Variants in OTUD7A observed in about 807,000 individuals in gnomAD.
The protein encoded by OTUD7A is OTU deubiquitinase 7A.
A neutral mutation model predicts 65.7 loss-of-function variants in OTUD7A; 12 were observed. That is an observed-to-expected ratio of 0.18 (90% CI 0.12 to 0.30). The LOEUF (loss-of-function observed/expected upper bound fraction) is 0.30. OTUD7A is among the 10% of genes least tolerant of loss of function. The pLI, the probability that OTUD7A is intolerant of heterozygous loss-of-function variation, is 1.00. For synonymous variants in OTUD7A, 641 were observed against 586.3 expected, an observed-to-expected ratio of 1.09 and a Z score of -1.35; for missense variants, 1,148 against 1,304.8, an observed-to-expected ratio of 0.88 and a Z score of 1.85.
At chr15:31,636,510 AG>A (rs1176263700) in intron 3 of OTUD7A, among the ~76,000 whole-genome samples, 1 of 152,190 alleles carries the variant, frequency 6.6e-6, no homozygotes, top group Non-Finnish European at 1.5e-5. Flanking sequence ...TATTAAAGTT[AG>A]GCTATTAACA....
chr15:31,596,759 T>C (rs1889915800), intron 3 of OTUD7A, among the ~76,000 whole-genome samples: 1 of 152,206 alleles, frequency 6.6e-6, no homozygotes, highest in Non-Finnish European at 1.5e-5. Flanking sequence ...TGCTTACTGG[T>C]AATTCATGTA....
chr15:31,667,149 G>C (rs1205086301), intron 1 of OTUD7A, among the ~76,000 whole-genome samples: 3 of 152,162 alleles, frequency 2.0e-5, no homozygotes, highest in East Asian at 1.9e-4. Flanking sequence ...AAGTCCATTT[G>C]TTCCAAGGTA....
chr15:31,499,061 G>A (rs2041426525), intron 10 of OTUD7A, among the ~76,000 whole-genome samples: 1 of 152,224 alleles, frequency 6.6e-6, no homozygotes. Flanking sequence ...TTTAAAGAAT[G>A]CTTCATGGAT....
At position 31,479,418 on chromosome 15, in the gene OTUD7A, C is replaced by T. The variant is rs1456449198; in HGVS notation, c.*3876G>A. On this transcript the variant is annotated 3_prime_UTR_variant, in exon 13 of 13. Coordinates refer to ENST00000307050, the MANE Select transcript of OTUD7A (RefSeq NM_001382637.1). ...AGATGAGGAGAAAAAAAATCATGGC[C>T]ATAAAGAAAGGAGCCCCAAACATAC... The T allele has an allele frequency of 6.6e-6, 1 of 152,104 alleles. No individual in the cohort carries two copies. The highest frequency in any genetic ancestry group is 1.5e-5 in the Non-Finnish European group (1 of 68,012). The allele number at this position is 152,104 out of a possible 1,614,324, so 9.4% of individuals were successfully genotyped here.
chr15:31,533,965 C>T (rs1289543986), intron 5 of OTUD7A, among the ~76,000 whole-genome samples: 1 of 151,978 alleles, frequency 6.6e-6, no homozygotes, highest in East Asian at 1.9e-4. Context: ...ATGTCAACAC[C>T]AATAGACTTT....
chr15:31,591,076 T>C (rs995296912), intron 3 of OTUD7A, among the ~76,000 whole-genome samples: 6 of 152,060 alleles, frequency 3.9e-5, no homozygotes, highest in Non-Finnish European at 7.4e-5. Context: ...GGCTGACACA[T>C]CCTGCTATTT....
chr15:31,688,685 CAG>C (rs1473003925), intron 1 of OTUD7A, among the ~76,000 whole-genome samples: 1 of 152,120 alleles, frequency 6.6e-6, no homozygotes, highest in African/African-American at 2.4e-5. Flanking sequence ...GAGATGATGC[CAG>C]AGTGTCTCAT....
At chr15:31,528,800 A>G (rs1339029851) in intron 6 of OTUD7A, among the ~76,000 whole-genome samples, 1 of 152,268 alleles carries the variant, frequency 6.6e-6, no homozygotes, top group Non-Finnish European at 1.5e-5. Flanking sequence ...GGGTTCCACA[A>G]GGACTGCTGG....
chr15:31,586,415 C>CA (rs1372483941), intron 3 of OTUD7A, among the ~76,000 whole-genome samples: 1 of 152,182 alleles, frequency 6.6e-6, no homozygotes, highest in Admixed American at 6.5e-5. Flanking sequence ...GTTTTCTGCA[C>CA]AGCAGCCCCC....
chr15:31,760,113 G>C (rs908160714), intron 1 of OTUD7A, among the ~76,000 whole-genome samples: 2 of 151,972 alleles, frequency 1.3e-5, no homozygotes, highest in Admixed American at 6.6e-5. Context: ...TTATAACTTT[G>C]CTACCTACTC....
chr15:31,578,105 A>G (rs1889261892), intron 3 of OTUD7A, among the ~76,000 whole-genome samples: 1 of 152,124 alleles, frequency 6.6e-6, no homozygotes, highest in Non-Finnish European at 1.5e-5. Context: ...TGGCCAGGGT[A>G]CCCTAAAATT....
chr15:31,682,261 A>C (rs1161759201), intron 1 of OTUD7A, among the ~76,000 whole-genome samples: 1 of 152,194 alleles, frequency 6.6e-6, no homozygotes, highest in Non-Finnish European at 1.5e-5. Flanking sequence ...AAATAGAGAG[A>C]TGTATTGTTT....
intron 1 of OTUD7A, among the ~76,000 whole-genome samples, chr15:31,679,644 T>C (rs982803726): frequency 1.5e-4 from 23 of 152,208 alleles, no homozygotes; most frequent in Non-Finnish European, 3.4e-4. Context: ...AAATGTGCCT[T>C]GCTTCCCCTT....
intron 1 of OTUD7A, among the ~76,000 whole-genome samples, chr15:31,755,030 T>C (rs1894770809): frequency 6.6e-6 from 1 of 151,250 alleles, no homozygotes; most frequent in Admixed American, 6.6e-5. Context: ...ATGGTGTGTG[T>C]GTGTGATTAT....
At chr15:31,817,096 G>A (rs1199267213) in intron 1 of OTUD7A, among the ~76,000 whole-genome samples, 3 of 152,092 alleles carry the variant, frequency 2.0e-5, no homozygotes, top group African/African-American at 7.2e-5. Context: ...ATCATGCTGA[G>A]GCTGTGAACT....
At chr15:31,544,663 T>C (rs1888078764) in intron 5 of OTUD7A, among the ~76,000 whole-genome samples, 1 of 151,784 alleles carries the variant, frequency 6.6e-6, no homozygotes, top group Non-Finnish European at 1.5e-5. Flanking sequence ...AAGCAAAAGA[T>C]AACTAAGGAA....
Position 31,482,997 on chromosome 15 carries a change from T to A in OTUD7A, c.*297A>T, listed in dbSNP as rs566219630. 5.6e-5 allele frequency: 9 copies of A among 159,436 alleles called. No homozygotes were observed. Among genetic ancestry groups the A allele is most frequent in the African/African-American group, 1.9e-4 (8 of 41,570 alleles). 9.9% of individuals were successfully genotyped at this position (159,436 alleles called of 1,614,324 possible). The stretch of plus-strand genomic sequence containing the variant: ...AAAGGGCTGCGAATTTCTTTATTTC[T>A]CTTACTGAGGAACAAAAATACTCTT... On this transcript the variant is annotated 3_prime_UTR_variant, in exon 13 of 13. Coordinates refer to ENST00000307050, the MANE Select transcript of OTUD7A (RefSeq NM_001382637.1).
chr15:31,784,294 C>A (rs1895615113), intron 1 of OTUD7A, among the ~76,000 whole-genome samples: 1 of 152,164 alleles, frequency 6.6e-6, no homozygotes, highest in Non-Finnish European at 1.5e-5. Context: ...CTGAAATACT[C>A]CTCCCCTTTC....
chr15:31,644,345 G>A (rs542811253), intron 3 of OTUD7A, among the ~76,000 whole-genome samples: 1 of 152,064 alleles, frequency 6.6e-6, no homozygotes, highest in South Asian at 2.1e-4. Flanking sequence ...CTCACCCTTG[G>A]TGTGGCCGTG....
Sources: gnomAD v4.1 joint callset for allele counts (sites outside exome capture counted in the v4.1 genomes callset) on GRCh38, gnomAD v4.1.1 for gene constraint, MANE v1.5 for transcripts, NCBI Gene and HGNC (gene_info 2026-07-23, HGNC 2026-07-21) for gene names.